Variants in HCN4 observed in about 807,000 individuals in gnomAD.
HCN4 encodes potassium/sodium hyperpolarization-activated cyclic nucleotide-gated channel 4.
HCN4 carries 29 observed loss-of-function variants against 76.9 expected under a neutral mutation model. The observed-to-expected ratio is 0.38, with a 90% CI of 0.28 to 0.51. HCN4 has a LOEUF of 0.51. Among genes scored for constraint, HCN4 ranks in the 20% least tolerant of loss-of-function variants. HCN4 has a pLI of 0.90. For synonymous variants in HCN4, 772 were observed against 762.5 expected (o/e 1.01, Z -0.21); for missense variants, 1,416 against 1,715.2 (o/e 0.83, Z 3.08).
At chr15:73,356,720 C>T (rs2043082877) in intron 1 of HCN4, among the ~76,000 whole-genome samples, 1 of 152,048 alleles carries the variant, frequency 6.6e-6, no homozygotes, top group Non-Finnish European at 1.5e-5. Context: ...GGGCTGCCTT[C>T]TCTCCAGGAA....
At chr15:73,355,911 GGT>G (rs1200396874) in intron 1 of HCN4, among the ~76,000 whole-genome samples, 1 of 152,160 alleles carries the variant, frequency 6.6e-6, no homozygotes, top group Non-Finnish European at 1.5e-5. Context: ...AGATGGGGGA[GGT>G]AACAAGCAGT....
chr15:73,338,719 G>A (rs2042980780), intron 2 of HCN4, among the ~76,000 whole-genome samples: 2 of 152,166 alleles, frequency 1.3e-5, no homozygotes, highest in South Asian at 2.1e-4. Flanking sequence ...CCTCTCCTGT[G>A]GATTCATTTT....
rs551604164 is a variant in HCN4 at position 73,367,094 on chromosome 15, C to T, written c.785+392G>A. The stretch of plus-strand genomic sequence containing the variant: ...TTGCTAAGAGGTCTGTCTCTCTTCA[C>T]GGCCCTGCTCTGCAGGCTGAATGAC... On this transcript the variant is annotated intron_variant, in intron 1 of 7. Transcript: ENST00000261917. The surrounding 1 kb of genome is among the most constrained non-coding windows in gnomAD (Gnocchi z 7.5). 6.6e-6 allele frequency among the ~76,000 whole-genome samples: 1 copy of T among 152,238 alleles called. No individual in the cohort carries two copies.
At chr15:73,345,556 C>T (rs914593656) in intron 1 of HCN4, among the ~76,000 whole-genome samples, 2 of 152,254 alleles carry the variant, frequency 1.3e-5, no homozygotes. Flanking sequence ...GAGTCATGGG[C>T]CCCAGGAGGA....
chr15:73,339,861 C>G (rs1156317065), intron 2 of HCN4, among the ~76,000 whole-genome samples: 1 of 152,170 alleles, frequency 6.6e-6, no homozygotes, highest in Non-Finnish European at 1.5e-5. Context: ...CTGGGAAACC[C>G]CAGTCCAATC....
intron 6 of HCN4, 142 bp from the exon 7 acceptor site, chr15:73,324,395 C>T: frequency 2.4e-6 from 2 of 842,046 alleles, no homozygotes; most frequent in Admixed American, 2.1e-5. Flanking sequence ...TGCGGCCACA[C>T]TGGATGCCTC....
chr15:73,343,045 TG>T lies in HCN4; in HGVS notation c.1209+339del, dbSNP rs780842306. ...TGGTTAATAATGTGGGCTCTAGAGG[TG>T]ATCGGCTTAAGTTCACATTCCAGGT... On this transcript the variant is annotated intron_variant, in intron 2 of 7. Coordinates refer to ENST00000261917, the MANE Select transcript of HCN4 (RefSeq NM_005477.3). The surrounding 1 kb of genome is among the most constrained non-coding windows in gnomAD (Gnocchi z 5.7). 3.3e-5 allele frequency among the ~76,000 whole-genome samples: 5 copies of T among 152,176 alleles called. No individual in the cohort carries two copies. The highest frequency in any genetic ancestry group is 2.9e-5 in the Non-Finnish European group (2 of 68,026).
Position 73,343,382 on chromosome 15 carries a change from T to TACTC in HCN4, c.1209+2_1209+3insGAGT, listed in dbSNP as rs786205418. 2.5e-5 allele frequency: 40 copies of TACTC among 1,613,828 alleles called. No homozygotes were observed. The East Asian group carries it at 8.9e-4, about 36-fold the overall frequency. On this transcript the variant is annotated splice_region_variant and intron_variant, in intron 2 of 7. Transcript: ENST00000261917. This position sits in a 1 kb window ranked among gnomAD's most constrained non-coding sequence, Gnocchi z 5.7. Reference sequence around the variant, plus strand: ...CCCCAAGAGGTTTGCACTGACCACTTACCTCTTCCCACTGGTGAATATATC... The same window carrying TACTC: ...CCCCAAGAGGTTTGCACTGACCACTTACTCACCTCTTCCCACTGGTGAATATATC...
chr15:73,343,274 G>T lies in HCN4; in HGVS notation c.1209+111C>A. On this transcript the variant is annotated intron_variant, in intron 2 of 7. Coordinates refer to ENST00000261917, the MANE Select transcript of HCN4 (RefSeq NM_005477.3). The surrounding 1 kb of genome is among the most constrained non-coding windows in gnomAD (Gnocchi z 5.7). ...GTATTTGTCCTCTTGGAGCAGGTGT[G>T]CCTGCCACAATCTGACAGCCTATGT... The T allele has an allele frequency of 9.7e-7, 1 of 1,033,172 alleles. No individual in the cohort carries two copies. The highest frequency in any genetic ancestry group is 1.5e-6 in the Non-Finnish European group (1 of 676,642). The allele number at this position is 1,033,172 out of a possible 1,614,324, so 64.0% of individuals were successfully genotyped here.
At chr15:73,362,354 G>A (rs1567798195) in intron 1 of HCN4, among the ~76,000 whole-genome samples, 1 of 152,206 alleles carries the variant, frequency 6.6e-6, no homozygotes, top group Non-Finnish European at 1.5e-5. Context: ...TGGAACAAGC[G>A]CATGAACAGT....
chr15:73,322,489 T>G lies in HCN4; in HGVS notation c.3604A>C (p.Asn1202His). Residue 1202 changes from asparagine (N) to histidine (H), a missense_variant, in exon 8 of 8, where the codon AAT becomes CAT. Coordinates refer to ENST00000261917, the MANE Select transcript of HCN4 (RefSeq NM_005477.3). ...PEPVRSKLPS[N>H]L The stretch of plus-strand genomic sequence containing the variant: ...GGAAGGAAGGGCCCAGCTCATAGAT[T>G]GGATGGCAGTTTGGAGCGCACTGGC... 1 of 1,592,958 alleles carries G rather than the reference T, an allele frequency of 6.3e-7. No homozygotes were observed. Among genetic ancestry groups the G allele is most frequent in the Non-Finnish European group, 8.6e-7 (1 of 1,169,360 alleles).
chr15:73,336,102 G>A (rs192220290), intron 2 of HCN4, among the ~76,000 whole-genome samples: 41 of 152,280 alleles, frequency 2.7e-4, no homozygotes, highest in African/African-American at 9.1e-4. Context: ...ACAATGGGGA[G>A]GTGAGTAGAG....
rs2151221292 is a variant in HCN4, at chr15:73,343,879, C to G, written c.786-71G>C. ...AAGTTACAGACTAAGGGAGGAAGATCTGAGGGACAGCATCTGGGACAGAGA... is the reference window on the plus strand; with the variant it reads ...AAGTTACAGACTAAGGGAGGAAGATGTGAGGGACAGCATCTGGGACAGAGA... On this transcript the variant is annotated intron_variant, in intron 1 of 7. Transcript: ENST00000261917. This position sits in a 1 kb window ranked among gnomAD's most constrained non-coding sequence, Gnocchi z 5.7. The G allele has an allele frequency of 2.0e-6, 3 of 1,512,218 alleles. No individual in the cohort carries two copies. In the South Asian group the frequency reaches 3.4e-5, roughly 17 times the overall value. The allele number at this position is 1,512,218 out of a possible 1,614,324, so 93.7% of individuals were successfully genotyped here.
At chr15:73,361,776 C>T (rs949707600) in intron 1 of HCN4, among the ~76,000 whole-genome samples, 3 of 152,184 alleles carry the variant, frequency 2.0e-5, no homozygotes, top group Non-Finnish European at 2.9e-5. Flanking sequence ...GCAAGCCCAG[C>T]CCCCAGGGGC....
At chr15:73,346,597 G>A (rs1567788860) in intron 1 of HCN4, among the ~76,000 whole-genome samples, 2 of 152,166 alleles carry the variant, frequency 1.3e-5, no homozygotes, top group Non-Finnish European at 1.5e-5. Flanking sequence ...ATTTGCCTCA[G>A]TACACAGATG....
In HCN4 at chr15:73,343,462, G is replaced by A. The variant is rs758468167; in HGVS notation, c.1132C>T (p.Arg378Cys). ...YKTARALRIVRFTKILSLLRL... is the reference protein window; with the variant it reads ...YKTARALRIVCFTKILSLLRL... ...AAGAGGCTGAGGATCTTCGTGAAGC[G>A]GACAATGCGCAGGGCCCGGGCAGTC... Residue 378 changes from arginine to cysteine, a missense_variant, in exon 2 of 8, where the codon CGC becomes TGC. This residue lies in a region of HCN4 where 112 missense variants were observed against 259.9 expected (regional missense o/e 0.43). Coordinates refer to ENST00000261917, the MANE Select transcript of HCN4 (RefSeq NM_005477.3). This position sits in a 1 kb window ranked among gnomAD's most constrained non-coding sequence, Gnocchi z 5.7. 9.3e-6 allele frequency: 15 copies of A among 1,614,060 alleles called. No homozygotes were observed. Among genetic ancestry groups the A allele is most frequent in the African/African-American group, 4.0e-5 (3 of 74,912 alleles).
chr15:73,365,797 A>G (rs1291261625), intron 1 of HCN4, among the ~76,000 whole-genome samples: 2 of 152,190 alleles, frequency 1.3e-5, no homozygotes, highest in African/African-American at 4.8e-5. Flanking sequence ...CAACAAAAAC[A>G]GCAGGGACCT....
chr15:73,365,157 T>C (rs546675017), intron 1 of HCN4, among the ~76,000 whole-genome samples: 116 of 151,700 alleles, frequency 7.6e-4, no homozygotes, highest in Non-Finnish European at 1.1e-3. Context: ...TGGGGTTGGG[T>C]GGTGGGTTTT....
Position 73,323,347 on chromosome 15 carries a change from C to CA in HCN4, c.2745dup (p.Gly916TrpfsTer56). ...GGAGAGTCGGAGGAGGACAGGGAGC[C>CA]ACCCAGCGCCTTGTGGAAGTGGCCA... On this transcript the variant is annotated frameshift_variant, in exon 8 of 8. Coordinates refer to ENST00000261917, the MANE Select transcript of HCN4 (RefSeq NM_005477.3). LOFTEE classifies it high-confidence loss of function. The CA allele has an allele frequency of 6.4e-7, 1 of 1,569,094 alleles. No homozygotes were observed. Among genetic ancestry groups the CA allele is most frequent in the Non-Finnish European group, 8.6e-7 (1 of 1,156,928 alleles).
Sources: allele counts gnomAD v4.1 joint callset (sites outside exome capture counted in the v4.1 genomes callset), GRCh38; gene constraint gnomAD v4.1.1; regional missense constraint gnomAD v4.1.1; non-coding constraint Gnocchi (gnomAD v3.1); transcripts MANE v1.5; gene names NCBI Gene and HGNC (gene_info 2026-07-23, HGNC 2026-07-21).